Variants in GPC5 observed in about 807,000 individuals in gnomAD.
The protein encoded by GPC5 is glypican-5.
Under a neutral mutation model 53.9 loss-of-function variants are expected in GPC5, and 47 were observed. That is an observed-to-expected ratio of 0.87 (90% CI 0.69 to 1.11). The LOEUF is 1.11. Among genes scored for constraint, GPC5 ranks in the 50% most tolerant of loss-of-function variants. The pLI is 0.00. For synonymous variants in GPC5, 286 were observed against 263.3 expected (o/e 1.09, Z -0.84); for missense variants, 748 against 713.1 (o/e 1.05, Z -0.56).
At chr13:92,161,375 G>A (rs2041986891) in intron 7 of GPC5, among the ~76,000 whole-genome samples, 2 of 152,114 alleles carry the variant, frequency 1.3e-5, no homozygotes, top group Admixed American at 6.6e-5. Flanking sequence ...GGCATTTAAT[G>A]AATGTGTTCT....
At chr13:92,417,764 G>A (rs1170435931) in intron 7 of GPC5, among the ~76,000 whole-genome samples, 1 of 152,152 alleles carries the variant, frequency 6.6e-6, no homozygotes, top group African/African-American at 2.4e-5. Context: ...GGTGGCATGT[G>A]CCTGTGGTCC....
intron 6 of GPC5, 89 bp downstream of exon 6, chr13:91,908,146 G>A (rs1345568510): frequency 1.9e-6 from 2 of 1,037,582 alleles, no homozygotes; most frequent in South Asian, 1.9e-5. Flanking sequence ...TGTTAATCCT[G>A]TCAGATAATC....
At chr13:91,923,250 A>G (rs1374737116) in intron 6 of GPC5, among the ~76,000 whole-genome samples, 1 of 152,198 alleles carries the variant, frequency 6.6e-6, no homozygotes, top group Non-Finnish European at 1.5e-5. Flanking sequence ...TGTTTTGCGG[A>G]CTCAATAAAT....
At chr13:92,672,967 G>A (rs1035912966) in intron 7 of GPC5, among the ~76,000 whole-genome samples, 2 of 152,068 alleles carry the variant, frequency 1.3e-5, no homozygotes, top group Admixed American at 1.3e-4. Flanking sequence ...GAAATAATCT[G>A]TACCACAAAC....
chr13:91,672,336 C>G (rs2035269704), intron 2 of GPC5, among the ~76,000 whole-genome samples: 1 of 152,096 alleles, frequency 6.6e-6, no homozygotes, highest in African/African-American at 2.4e-5. Context: ...TGCAATCTAC[C>G]TATCTGACAG....
intron 7 of GPC5, among the ~76,000 whole-genome samples, chr13:92,519,698 C>T (rs1000128130): frequency 9.2e-5 from 14 of 152,124 alleles, no homozygotes; most frequent in Non-Finnish European, 1.8e-4. Flanking sequence ...AATTGACACC[C>T]TAACAACACA....
intron 6 of GPC5, among the ~76,000 whole-genome samples, chr13:91,942,797 G>C (rs1271029692): frequency 6.6e-6 from 1 of 152,010 alleles, no homozygotes; most frequent in Non-Finnish European, 1.5e-5. Context: ...TGTTGCTCAA[G>C]TCATGCATCT....
At chr13:92,315,942 T>G (rs1011935636) in intron 7 of GPC5, among the ~76,000 whole-genome samples, 1 of 152,180 alleles carries the variant, frequency 6.6e-6, no homozygotes, top group South Asian at 2.1e-4. Context: ...GTATAACCCT[T>G]ACATGGTTAT....
At chr13:92,019,079 A>G (rs943051620) in intron 6 of GPC5, among the ~76,000 whole-genome samples, 3 of 152,030 alleles carry the variant, frequency 2.0e-5, no homozygotes, top group Non-Finnish European at 4.4e-5. Context: ...AAACACATTA[A>G]TTTTACTAAA....
intron 5 of GPC5, among the ~76,000 whole-genome samples, chr13:91,886,835 GT>G (rs1292558632): frequency 6.6e-6 from 1 of 152,216 alleles, no homozygotes; most frequent in East Asian, 1.9e-4. Flanking sequence ...CCCCCTGTGG[GT>G]TTGCAGGGTA....
At chr13:92,614,835 A>C (rs971006922) in intron 7 of GPC5, among the ~76,000 whole-genome samples, 13 of 152,180 alleles carry the variant, frequency 8.5e-5, no homozygotes, top group African/African-American at 2.2e-4. Flanking sequence ...TATGATACTA[A>C]TCTTGACCTA....
At chr13:91,795,135 T>TA (rs2138758548) in intron 5 of GPC5, among the ~76,000 whole-genome samples, 1 of 152,244 alleles carries the variant, frequency 6.6e-6, no homozygotes, top group East Asian at 1.9e-4. Flanking sequence ...TATGGATATT[T>TA]TTATATATAT....
At chr13:92,575,470 G>A (rs1883161220) in intron 7 of GPC5, among the ~76,000 whole-genome samples, 1 of 152,136 alleles carries the variant, frequency 6.6e-6, no homozygotes, top group South Asian at 2.1e-4. Context: ...GACTCTCCCA[G>A]AGCCTGCAGA....
chr13:91,830,824 A>AATATATATCCTATTATATATAAT (rs2038645223), intron 5 of GPC5, among the ~76,000 whole-genome samples: 1 of 137,074 alleles, frequency 7.3e-6, no homozygotes, highest in African/African-American at 2.7e-5. Flanking sequence ...TATTATATAT[A>AATATATATCCTATTATATATAAT]ATATATATCC....
intron 7 of GPC5, among the ~76,000 whole-genome samples, chr13:92,865,139 A>C (rs1685109460): frequency 6.6e-6 from 1 of 152,166 alleles, no homozygotes; most frequent in Non-Finnish European, 1.5e-5. Context: ...CAACCCAGTT[A>C]ATTAAGGGGA....
intron 7 of GPC5, among the ~76,000 whole-genome samples, chr13:92,828,532 T>C (rs945088442): frequency 9.9e-5 from 15 of 152,148 alleles, no homozygotes; most frequent in African/African-American, 3.6e-4. Context: ...ATGTTTGATG[T>C]GATATAGATT....
In GPC5 at chr13:92,533,595, T is replaced by C. The variant is rs531453935; in HGVS notation, c.1562-332687T>C. On this transcript the variant is annotated intron_variant, in intron 7 of 7. Coordinates refer to ENST00000377067, the MANE Select transcript of GPC5 (RefSeq NM_004466.6). The stretch of plus-strand genomic sequence containing the variant: ...TAAAACAGGTATCTCCTCAGCCCCA[T>C]GTCTTGGTTTAACACATACTCGGCA... Among the ~76,000 whole-genome samples, 4 of 152,254 alleles carry C rather than the reference T, an allele frequency of 2.6e-5. No homozygotes were observed. In the South Asian group the frequency reaches 6.2e-4, roughly 24 times the overall value.
intron 1 of GPC5, among the ~76,000 whole-genome samples, chr13:91,429,236 TA>T (rs897747738): frequency 1.1e-4 from 16 of 152,244 alleles, no homozygotes; most frequent in Non-Finnish European, 2.2e-4. Context: ...TCTGTTTTAA[TA>T]AAAAAACTTT....
rs183341641 is a variant in GPC5, at chr13:91,575,012, C to T, written c.326-118175C>T. Among the ~76,000 whole-genome samples the T allele has an allele frequency of 2.6e-5, 4 of 152,194 alleles. No individual in the cohort carries two copies. The East Asian group carries it at 7.7e-4, about 29-fold the overall frequency. On this transcript the variant is annotated intron_variant, in intron 2 of 7. Transcript: ENST00000377067. ...GTAAGAGAGTTCTCCAATATAATGC[C>T]TCCTTGAGAAAGATGGTGATCAAAA...
Sources: allele counts gnomAD v4.1 joint callset (sites outside exome capture counted in the v4.1 genomes callset), GRCh38; gene constraint gnomAD v4.1.1; transcripts MANE v1.5; gene names NCBI Gene and HGNC (gene_info 2026-07-23, HGNC 2026-07-21).